The following SORCS3 variants were observed in gnomAD, a reference collection of about 807,000 sequenced individuals.
SORCS3 encodes sortilin related VPS10 domain containing receptor 3.
SORCS3 carries 57 observed loss-of-function variants against 146.3 expected under a neutral mutation model. The ratio of observed to expected loss-of-function variants is 0.39; its 90% CI spans 0.31 to 0.49. The LOEUF (loss-of-function observed/expected upper bound fraction) is 0.49. Ranked by LOEUF, SORCS3 falls within the 20% of genes least tolerant of loss-of-function variation. The probability of loss-of-function intolerance (pLI) is 0.92; values close to 1 mark genes in which losing one functional copy is unlikely to be tolerated. For synonymous variants in SORCS3, 653 were observed against 618.5 expected (o/e 1.06, Z -0.83); for missense variants, 1,341 against 1,575.5 (o/e 0.85, Z 2.52).
intron 20 of SORCS3, among the ~76,000 whole-genome samples, chr10:105,229,245 G>A (rs1246861555): frequency 6.6e-6 from 1 of 151,690 alleles, no homozygotes; most frequent in Non-Finnish European, 1.5e-5. Context: ...TTCATATCCT[G>A]AATTGTTTTC....
At chr10:105,173,062 A>G (rs2056372559) in intron 13 of SORCS3, among the ~76,000 whole-genome samples, 3 of 152,160 alleles carry the variant, frequency 2.0e-5, no homozygotes, top group Non-Finnish European at 4.4e-5. Context: ...ATCTAGATCC[A>G]TCCATCAAAA....
chr10:105,192,145 A>T (rs927368359), intron 14 of SORCS3, among the ~76,000 whole-genome samples: 4 of 152,178 alleles, frequency 2.6e-5, no homozygotes, highest in Admixed American at 6.5e-5. Context: ...GAAACCTCAT[A>T]CATTTGGAAA....
rs183402054 is a variant in SORCS3, at chr10:105,079,339, G to A, written c.1029-10436G>A. Among the ~76,000 whole-genome samples the A allele has an allele frequency of 3.5e-3, 540 of 152,274 alleles. 3 individuals are homozygous for A. The highest frequency in any genetic ancestry group is 6.0e-3 in the Non-Finnish European group (409 of 68,028). On this transcript the variant is annotated intron_variant, in intron 5 of 26. Coordinates refer to ENST00000369701, the MANE Select transcript of SORCS3 (RefSeq NM_014978.3). ...CTCAAGTGATACTAATATTCAGCCC[G>A]GGTCATGAGCTTTCACAGAAGCTAA...
In SORCS3 at chr10:105,247,241, A is replaced by G. The variant is rs768138277; in HGVS notation, c.3015A>G (p.Leu1005=). The change falls in exon 22 of 27, where the codon TTA becomes TTG. Residue 1005 remains leucine (L), a synonymous_variant. Coordinates refer to ENST00000369701, the MANE Select transcript of SORCS3 (RefSeq NM_014978.3). ...CAGAATATTTCCAGTCCCAGCTTTT[A>G]TCATTCTCTCCTAATCTGGATTACC... ...AVHEYFQSQL[L]SFSPNLDYHN... The G allele has an allele frequency of 1.9e-6, 3 of 1,605,954 alleles. No homozygotes were observed. The East Asian group carries it at 6.7e-5, about 36-fold the overall frequency.
At chr10:104,721,085 T>C (rs2016541884) in intron 1 of SORCS3, among the ~76,000 whole-genome samples, 1 of 152,254 alleles carries the variant, frequency 6.6e-6, no homozygotes, top group South Asian at 2.1e-4. Flanking sequence ...ACCTAGGTTT[T>C]CTTCTAGGGT....
chr10:104,837,680 G>A (rs2133542315), intron 1 of SORCS3, among the ~76,000 whole-genome samples: 1 of 152,086 alleles, frequency 6.6e-6, no homozygotes, highest in East Asian at 1.9e-4. Context: ...TTTACCCCTG[G>A]GCCTTGAGCT....
intron 16 of SORCS3, among the ~76,000 whole-genome samples, chr10:105,208,154 C>T (rs1316005853): frequency 6.6e-6 from 1 of 151,984 alleles, no homozygotes; most frequent in African/African-American, 2.4e-5. Flanking sequence ...CCAGCCTGGC[C>T]AAACGGCAAA....
intron 2 of SORCS3, among the ~76,000 whole-genome samples, chr10:104,898,144 C>G (rs1184773637): frequency 6.6e-6 from 1 of 152,184 alleles, no homozygotes; most frequent in African/African-American, 2.4e-5. Context: ...CAGACACCCA[C>G]TTTGCCACTT....
chr10:104,897,939 A>G (rs2018815653), intron 2 of SORCS3, among the ~76,000 whole-genome samples: 1 of 152,172 alleles, frequency 6.6e-6, no homozygotes, highest in Non-Finnish European at 1.5e-5. Flanking sequence ...CAGCTCATTC[A>G]TTCTAGTGGA....
intron 16 of SORCS3, among the ~76,000 whole-genome samples, chr10:105,210,516 T>C (rs1224564642): frequency 2.0e-5 from 3 of 152,226 alleles, no homozygotes; most frequent in Admixed American, 1.3e-4. Flanking sequence ...CCTCCTTTTC[T>C]ACACTGCTCT....
At chr10:104,983,718 G>A (rs945575867) in intron 4 of SORCS3, among the ~76,000 whole-genome samples, 7 of 151,540 alleles carry the variant, frequency 4.6e-5, no homozygotes, top group African/African-American at 7.3e-5. Flanking sequence ...TAGATTTCTC[G>A]TTTTCCAGTT....
rs116536575 is a variant in SORCS3 at position 105,023,037 on chromosome 10, C to T, written c.955-20018C>T. ...CCCCCCTCTACCAGTTAATGACCCACATTAAGGTACCTTTTCCACTACCTG... is the reference window on the plus strand; with the variant it reads ...CCCCCCTCTACCAGTTAATGACCCATATTAAGGTACCTTTTCCACTACCTG... On this transcript the variant is annotated intron_variant, in intron 4 of 26. Transcript: ENST00000369701. 8.5e-3 allele frequency among the ~76,000 whole-genome samples: 1,298 copies of T among 152,266 alleles called. 16 individuals are homozygous for T. Among genetic ancestry groups the T allele is most frequent in the African/African-American group, 0.029 (1,216 of 41,544 alleles).
At position 104,905,792 on chromosome 10, in the gene SORCS3, C is replaced by T. The variant is rs964833575; in HGVS notation, c.696-10041C>T. On this transcript the variant is annotated intron_variant, in intron 2 of 26. Transcript: ENST00000369701. ...AAGCAGAGGCAGGTGAGATGAGAGGCTCCGTCGGGGAGGATGGCGGCAGAA... is the reference window on the plus strand; with the variant it reads ...AAGCAGAGGCAGGTGAGATGAGAGGTTCCGTCGGGGAGGATGGCGGCAGAA... 2.3e-4 allele frequency among the ~76,000 whole-genome samples: 35 copies of T among 152,146 alleles called. 1 individual carries two copies. Among genetic ancestry groups the T allele is most frequent in the Admixed American group, 5.9e-4 (9 of 15,270 alleles).
chr10:105,184,297 A>G (rs575562048), intron 14 of SORCS3, among the ~76,000 whole-genome samples: 1 of 152,364 alleles, frequency 6.6e-6, no homozygotes, highest in South Asian at 2.1e-4. Context: ...AACTTTATGA[A>G]CACTGAATCT....
chr10:104,668,164 T>TGC (rs1491076874), intron 1 of SORCS3, among the ~76,000 whole-genome samples: 18 of 152,312 alleles, frequency 1.2e-4, no homozygotes, highest in African/African-American at 3.6e-4. Flanking sequence ...TGTGTGTGTG[T>TGC]GCGCGCATGT....
intron 3 of SORCS3, among the ~76,000 whole-genome samples, chr10:104,922,621 G>C (rs2133604717): frequency 1.3e-5 from 2 of 152,270 alleles, no homozygotes; most frequent in Middle Eastern, 3.4e-3. Flanking sequence ...TTGCTATTAT[G>C]TTCTGAGTTT....
chr10:105,122,754 A>C (rs1035181923), intron 7 of SORCS3, among the ~76,000 whole-genome samples: 1 of 152,204 alleles, frequency 6.6e-6, no homozygotes, highest in African/African-American at 2.4e-5. Context: ...AGCGTGAGGG[A>C]GATCTACAAT....
intron 4 of SORCS3, among the ~76,000 whole-genome samples, chr10:104,998,327 A>T (rs1371273181): frequency 6.6e-6 from 1 of 152,116 alleles, no homozygotes; most frequent in Non-Finnish European, 1.5e-5. Flanking sequence ...GTACATTGAA[A>T]ATAATGATGG....
chr10:104,987,181 G>A (rs1159519974), intron 4 of SORCS3, among the ~76,000 whole-genome samples: 1 of 151,360 alleles, frequency 6.6e-6, no homozygotes, highest in Non-Finnish European at 1.5e-5. Flanking sequence ...AAGGAATGAA[G>A]GACGGAACGA....
Sources: allele counts gnomAD v4.1 joint callset (sites outside exome capture counted in the v4.1 genomes callset), GRCh38; gene constraint gnomAD v4.1.1; transcripts MANE v1.5; gene names NCBI Gene and HGNC (gene_info 2026-07-23, HGNC 2026-07-21).